RBFOX1: variants seen among roughly 807,000 people sequenced by gnomAD.
RBFOX1 encodes the protein RNA binding protein fox-1 homolog 1.
Under a neutral mutation model 57.7 loss-of-function variants are expected in RBFOX1, and 8 were observed. The ratio of observed to expected loss-of-function variants is 0.14; its 90% CI spans 0.08 to 0.25. The LOEUF (loss-of-function observed/expected upper bound fraction) is 0.25. RBFOX1 is among the 10% of genes least tolerant of loss of function. The pLI, the probability that RBFOX1 is intolerant of heterozygous loss-of-function variation, is 1.00. For missense variants in RBFOX1, 611 were observed against 548.5 expected (o/e 1.11, Z -1.14); for synonymous variants, 326 against 222.4 (o/e 1.47, Z -4.15).
chr16:7,209,231 A>G (rs2090626251), intron 4 of RBFOX1, among the ~76,000 whole-genome samples: 1 of 151,878 alleles, frequency 6.6e-6, no homozygotes, highest in Non-Finnish European at 1.5e-5. Context: ...GCTACTTGGG[A>G]GACTGAGGCA....
chr16:6,237,559 T>C (rs59913363), intron 1 of RBFOX1, among the ~76,000 whole-genome samples: 29,366 of 151,948 alleles, frequency 0.19, 3,458 homozygotes, highest in African/African-American at 0.33. Flanking sequence ...CTTGCCAAGA[T>C]GGTGAAACCT....
At chr16:6,980,152 C>A (rs561668397) in intron 3 of RBFOX1, among the ~76,000 whole-genome samples, 2 of 152,146 alleles carry the variant, frequency 1.3e-5, no homozygotes, top group Non-Finnish European at 1.5e-5. Flanking sequence ...AATCCCTCTT[C>A]AATTAAGCCT....
intron 1 of RBFOX1, among the ~76,000 whole-genome samples, chr16:5,255,648 C>G (rs919580208): frequency 2.0e-5 from 3 of 151,832 alleles, no homozygotes; most frequent in African/African-American, 7.3e-5. Context: ...ACCGACTCAA[C>G]CATCCATTCA....
chr16:6,741,514 T>G (rs75229835), intron 3 of RBFOX1, among the ~76,000 whole-genome samples: 13,567 of 151,644 alleles, frequency 0.089, 742 homozygotes, highest in East Asian at 0.17. Context: ...AAGTACAAAT[T>G]TTAGCCAGGC....
At chr16:7,302,482 C>A (rs955798518) in intron 4 of RBFOX1, among the ~76,000 whole-genome samples, 1 of 151,966 alleles carries the variant, frequency 6.6e-6, no homozygotes, top group African/African-American at 2.4e-5. Context: ...CAGGGTTCTG[C>A]CCCAAATATT....
intron 4 of RBFOX1, among the ~76,000 whole-genome samples, chr16:7,416,903 A>G (rs1233710581): frequency 2.0e-5 from 3 of 152,066 alleles, no homozygotes; most frequent in Non-Finnish European, 2.9e-5. Context: ...AGGTGTCCTT[A>G]TTATCCACAT....
chr16:6,981,480 T>C (rs2088854986), intron 3 of RBFOX1, among the ~76,000 whole-genome samples: 1 of 152,194 alleles, frequency 6.6e-6, no homozygotes, highest in Non-Finnish European at 1.5e-5. Flanking sequence ...CACAGATTCT[T>C]TATCCAGTGT....
At chr16:6,206,485 C>T (rs1033677424) in intron 1 of RBFOX1, among the ~76,000 whole-genome samples, 1 of 152,176 alleles carries the variant, frequency 6.6e-6, no homozygotes. Context: ...GCTTTCCTCA[C>T]CAAAACACAG....
At chr16:6,641,209 C>T (rs1484970091) in intron 2 of RBFOX1, among the ~76,000 whole-genome samples, 1 of 152,140 alleles carries the variant, frequency 6.6e-6, no homozygotes, top group Non-Finnish European at 1.5e-5. Context: ...GTTTACGCTT[C>T]ACCGAGGTTC....
chr16:7,552,596 A>T (rs2086896800), intron 5 of RBFOX1, among the ~76,000 whole-genome samples: 1 of 152,198 alleles, frequency 6.6e-6, no homozygotes, highest in Non-Finnish European at 1.5e-5. Context: ...AAAAACAAGA[A>T]ATCCATAGTT....
intron 1 of RBFOX1, among the ~76,000 whole-genome samples, chr16:6,239,272 A>T (rs1303792013): frequency 6.6e-6 from 1 of 152,040 alleles, no homozygotes; most frequent in African/African-American, 2.4e-5. Flanking sequence ...CTCCCCTCGC[A>T]GACTTGAGAT....
chr16:5,446,154 A>G (rs114026378), intron 1 of RBFOX1, among the ~76,000 whole-genome samples: 1,775 of 152,282 alleles, frequency 0.012, 40 homozygotes, highest in African/African-American at 0.041. Context: ...GGAAGTAACA[A>G]TTCCAGCTGA....
intron 11 of RBFOX1, among the ~76,000 whole-genome samples, chr16:7,646,193 G>A (rs923608405): frequency 6.6e-6 from 1 of 152,162 alleles, no homozygotes; most frequent in Non-Finnish European, 1.5e-5. Flanking sequence ...GAAAAAATCA[G>A]GTTTTTTGAT....
chr16:5,335,286 A>G (rs2064867394), intron 1 of RBFOX1, among the ~76,000 whole-genome samples: 1 of 152,176 alleles, frequency 6.6e-6, no homozygotes, highest in African/African-American at 2.4e-5. Context: ...TTGCATAAAG[A>G]GTTTATTGAA....
intron 2 of RBFOX1, among the ~76,000 whole-genome samples, chr16:5,481,004 C>T (rs2151643191): frequency 6.6e-6 from 1 of 152,358 alleles, no homozygotes; most frequent in East Asian, 1.9e-4. Context: ...CAGGTTGTAG[C>T]AACCTACACA....
At chr16:6,233,096 G>C (rs551228205) in intron 1 of RBFOX1, among the ~76,000 whole-genome samples, 12 of 152,310 alleles carry the variant, frequency 7.9e-5, no homozygotes, top group Non-Finnish European at 1.8e-4. Context: ...GGCAGGGCCA[G>C]CTGCTGGGTG....
intron 5 of RBFOX1, among the ~76,000 whole-genome samples, chr16:7,521,245 G>A (rs74010546): frequency 2.0e-5 from 3 of 152,156 alleles, no homozygotes; most frequent in Non-Finnish European, 4.4e-5. Context: ...AGTATGTTTT[G>A]GGCATGATGA....
chr16:7,539,554 A>G (rs1431968567), intron 5 of RBFOX1, among the ~76,000 whole-genome samples: 1 of 152,216 alleles, frequency 6.6e-6, no homozygotes, highest in Non-Finnish European at 1.5e-5. Flanking sequence ...TGTATTTCCC[A>G]ATGGGATCAC....
At chr16:5,892,095 C>T (rs191026947) in intron 4 of RBFOX1, among the ~76,000 whole-genome samples, 33 of 152,248 alleles carry the variant, frequency 2.2e-4, no homozygotes, top group Admixed American at 1.5e-3. Flanking sequence ...TCTGTCCTTA[C>T]GGCACTTATA....
Sources: gnomAD v4.1 joint callset for allele counts (sites outside exome capture counted in the v4.1 genomes callset) on GRCh38, gnomAD v4.1.1 for gene constraint, MANE v1.5 for transcripts, NCBI Gene and HGNC (gene_info 2026-07-23, HGNC 2026-07-21) for gene names.